Variants in CNTNAP2 observed in about 807,000 individuals in gnomAD.
The protein encoded by CNTNAP2 is contactin-associated protein-like 2.
In CNTNAP2, 98 loss-of-function variants were observed where a neutral mutation model predicts 155.2. That is an observed-to-expected ratio of 0.63 (90% CI 0.54 to 0.75). The LOEUF (loss-of-function observed/expected upper bound fraction) is 0.75, where lower values mean the gene tolerates loss of function less well. Among genes scored for constraint, CNTNAP2 ranks in the 30% least tolerant of loss-of-function variants. The pLI is 0.00. For missense variants in CNTNAP2, 1,727 were observed against 1,688.1 expected (o/e 1.02, Z -0.40); for synonymous variants, 651 against 631.2 (o/e 1.03, Z -0.47).
At chr7:146,710,328 A>G (rs187323295) in intron 1 of CNTNAP2, among the ~76,000 whole-genome samples, 5 of 152,338 alleles carry the variant, frequency 3.3e-5, no homozygotes, top group East Asian at 3.9e-4. Flanking sequence ...AACTGATCCC[A>G]TAAGTGGGGA....
chr7:146,721,558 CATTCTATATAT>C (rs1801317001), intron 1 of CNTNAP2, among the ~76,000 whole-genome samples: 1 of 106,038 alleles, frequency 9.4e-6, no homozygotes, highest in African/African-American at 4.5e-5. Context: ...ATTCTATATA[CATTCTATATAT>C]ATTCTATATA....
chr7:146,354,343 T>C (rs565719794), intron 1 of CNTNAP2, among the ~76,000 whole-genome samples: 113 of 152,266 alleles, frequency 7.4e-4, no homozygotes, highest in African/African-American at 2.6e-3. Flanking sequence ...TAGTTATTTC[T>C]GTAGACACAG....
intron 14 of CNTNAP2, among the ~76,000 whole-genome samples, chr7:147,921,441 T>C (rs191537431): frequency 6.6e-6 from 1 of 152,346 alleles, no homozygotes; most frequent in East Asian, 1.9e-4. Context: ...TTGGGCAGCT[T>C]ACTACATTGC....
At chr7:147,984,429 A>G (rs1487524315) in intron 15 of CNTNAP2, among the ~76,000 whole-genome samples, 1 of 152,204 alleles carries the variant, frequency 6.6e-6, no homozygotes, top group Non-Finnish European at 1.5e-5. Flanking sequence ...GGAAACAGAA[A>G]CAATGTTATT....
chr7:146,269,065 G>C (rs1800038893), intron 1 of CNTNAP2, among the ~76,000 whole-genome samples: 1 of 152,224 alleles, frequency 6.6e-6, no homozygotes. Context: ...GGGTGGGCCA[G>C]GTGGGGTGGC....
chr7:148,331,169 GGAAT>G, intron 21 of CNTNAP2, among the ~76,000 whole-genome samples: 1 of 146,870 alleles, frequency 6.8e-6, no homozygotes, highest in South Asian at 2.2e-4. Context: ...ATGGACGGAT[GGAAT>G]GGATGGATGG....
At chr7:146,467,051 T>A (rs1584938708) in intron 1 of CNTNAP2, among the ~76,000 whole-genome samples, 1 of 152,154 alleles carries the variant, frequency 6.6e-6, no homozygotes. Flanking sequence ...GGGGGATTAA[T>A]GGCTATTTAA....
Position 147,207,335 on chromosome 7 carries a change from T to C in CNTNAP2, c.1348+74826T>C, listed in dbSNP as rs145109001. Among the ~76,000 whole-genome samples the C allele has an allele frequency of 2.5e-3, 378 of 152,306 alleles. 1 individual carries two copies. Among genetic ancestry groups the C allele is most frequent in the African/African-American group, 8.7e-3 (360 of 41,572 alleles). ...ATAGTTTACTACATTGGAGTATTCATTTGATGAGATTGTATGCAGTCATTA... is the reference window on the plus strand; with the variant it reads ...ATAGTTTACTACATTGGAGTATTCACTTGATGAGATTGTATGCAGTCATTA... On this transcript the variant is annotated intron_variant, in intron 8 of 23. Coordinates refer to ENST00000361727, the MANE Select transcript of CNTNAP2 (RefSeq NM_014141.6).
chr7:146,702,581 G>A (rs1045426462), intron 1 of CNTNAP2, among the ~76,000 whole-genome samples: 1 of 152,090 alleles, frequency 6.6e-6, no homozygotes, highest in Admixed American at 6.6e-5. Flanking sequence ...GCCAATGTAA[G>A]ATATAACCTG....
chr7:147,306,189 T>C (rs1448421602), intron 9 of CNTNAP2, among the ~76,000 whole-genome samples: 5 of 152,124 alleles, frequency 3.3e-5, no homozygotes, highest in Non-Finnish European at 2.9e-5. Context: ...AAATGCTTTA[T>C]TTTACAACCC....
At chr7:146,216,490 T>C (rs1799115206) in intron 1 of CNTNAP2, among the ~76,000 whole-genome samples, 1 of 152,180 alleles carries the variant, frequency 6.6e-6, no homozygotes, top group South Asian at 2.1e-4. Flanking sequence ...CTGTTCCTTT[T>C]TCTTTGCACT....
chr7:146,779,792 ATGT>A (rs1352066953), intron 2 of CNTNAP2, among the ~76,000 whole-genome samples: 6 of 152,152 alleles, frequency 3.9e-5, no homozygotes, highest in Non-Finnish European at 2.9e-5. Context: ...TGTGGTGGTG[ATGT>A]TGTTTTCACA....
At chr7:146,794,359 G>T (rs1802730005) in intron 2 of CNTNAP2, among the ~76,000 whole-genome samples, 1 of 151,982 alleles carries the variant, frequency 6.6e-6, no homozygotes, top group Non-Finnish European at 1.5e-5. Flanking sequence ...ATGTTTAGAG[G>T]GATTGATGAT....
At chr7:148,204,270 G>C (rs1237940047) in intron 18 of CNTNAP2, among the ~76,000 whole-genome samples, 3 of 152,232 alleles carry the variant, frequency 2.0e-5, no homozygotes, top group African/African-American at 7.2e-5. Context: ...GAACATTTCA[G>C]TGATGAGTTG....
At chr7:147,068,362 T>C (rs1375706445) in intron 4 of CNTNAP2, among the ~76,000 whole-genome samples, 1 of 152,174 alleles carries the variant, frequency 6.6e-6, no homozygotes, top group Non-Finnish European at 1.5e-5. Flanking sequence ...TTTATTTGTT[T>C]GTTTGTTTTT....
intron 1 of CNTNAP2, among the ~76,000 whole-genome samples, chr7:146,122,118 A>G (rs1007349393): frequency 6.6e-6 from 1 of 152,114 alleles, no homozygotes; most frequent in African/African-American, 2.4e-5. Context: ...GTTCCTTCCT[A>G]TGTTAGGTAG....
chr7:147,848,828 A>G (rs1050362274), intron 13 of CNTNAP2, among the ~76,000 whole-genome samples: 5 of 152,232 alleles, frequency 3.3e-5, no homozygotes, highest in African/African-American at 1.2e-4. Context: ...TTTATGAATC[A>G]TGATTCATAC....
chr7:147,778,057 T>A (rs1797611939), intron 13 of CNTNAP2, among the ~76,000 whole-genome samples: 1 of 151,750 alleles, frequency 6.6e-6, no homozygotes, highest in Non-Finnish European at 1.5e-5. Context: ...GATGAGATAT[T>A]TTTAAGGAAT....
chr7:147,315,338 C>T (rs974923697), intron 9 of CNTNAP2, among the ~76,000 whole-genome samples: 1 of 150,826 alleles, frequency 6.6e-6, no homozygotes, highest in African/African-American at 2.4e-5. Flanking sequence ...ATCTAATTTT[C>T]GGCCATTTTC....
Sources: allele counts gnomAD v4.1 joint callset (sites outside exome capture counted in the v4.1 genomes callset), GRCh38; gene constraint gnomAD v4.1.1; transcripts MANE v1.5; gene names NCBI Gene and HGNC (gene_info 2026-07-23, HGNC 2026-07-21).